AGMAT: variants seen among roughly 807,000 people sequenced by gnomAD.
The protein encoded by AGMAT is agmatinase (putative).
In AGMAT, 37 loss-of-function variants were observed where a neutral mutation model predicts 29.3. That is an observed-to-expected ratio of 1.26 (90% CI 0.97 to 1.66). The LOEUF is 1.66. Ranked by LOEUF, AGMAT falls within the 40% of genes most tolerant of loss-of-function variation. The probability of loss-of-function intolerance (pLI) is 0.00; values close to 1 mark genes in which losing one functional copy is unlikely to be tolerated. For synonymous variants in AGMAT, 199 were observed against 200.8 expected (o/e 0.99, Z 0.08); for missense variants, 498 against 497.8 (o/e 1.00, Z 0.00).
At chr1:15,580,186 A>G in intron 2 of AGMAT, 44 bp from the exon 3 acceptor site, 1 of 819,412 alleles carries the variant, frequency 1.2e-6, no homozygotes, top group Non-Finnish European at 2.0e-6. Flanking sequence ...GAATTGGAGG[A>G]TTACATAGAA....
Position 15,584,846 on chromosome 1 carries a change from C to CA in AGMAT, c.121_122insT (p.Arg41LeufsTer70). On this transcript the variant is annotated frameshift_variant, in exon 1 of 7. Coordinates refer to ENST00000375826, the MANE Select transcript of AGMAT (RefSeq NM_024758.5). LOFTEE classifies it high-confidence loss of function. ...GAACTCGGGGCTGGGGGGCTGGTTC[C>CA]GGGGCGCGTCGGAAGCCTGGCGGCT... The CA allele has an allele frequency of 7.0e-7, 1 of 1,427,502 alleles. No homozygotes were observed. The highest frequency in any genetic ancestry group is 3.2e-5 in the Admixed American group (1 of 31,660). The allele number at this position is 1,427,502 out of a possible 1,614,324, so 88.4% of individuals were successfully genotyped here.
At chr1:15,579,978 A>C in intron 3 of AGMAT, 116 bp downstream of exon 3, 5 of 914,486 alleles carry the variant, frequency 5.5e-6, no homozygotes, top group South Asian at 1.3e-5. Flanking sequence ...TGATCCCCAG[A>C]AGCAGCTCAT....
chr1:15,577,371 A>G (rs78083962), intron 5 of AGMAT, among the ~76,000 whole-genome samples: 43,931 of 151,782 alleles, frequency 0.29, 7,515 homozygotes, highest in African/African-American at 0.47. Flanking sequence ...TCAGGAGTTC[A>G]AGACCAGCCT....
chr1:15,577,081 A>G (rs574856383), intron 5 of AGMAT, among the ~76,000 whole-genome samples: 2 of 152,160 alleles, frequency 1.3e-5, no homozygotes, highest in East Asian at 1.9e-4. Context: ...GGATACTATA[A>G]TGTTGTTCCT....
Position 15,573,668 on chromosome 1 carries a change from T to C in AGMAT, c.1042A>G (p.Lys348Glu). 1 of 1,614,196 alleles carries C rather than the reference T, an allele frequency of 6.2e-7. No individual in the cohort carries two copies. The highest frequency in any genetic ancestry group is 1.1e-5 in the South Asian group (1 of 91,080). Residue 348 changes from lysine to glutamate, a missense_variant, in exon 7 of 7, where the codon AAA (lysine) becomes GAA (glutamate). Lys to Glu is a moderately conservative substitution (Grantham distance 56, BLOSUM62 1). Coordinates refer to ENST00000375826, the MANE Select transcript of AGMAT (RefSeq NM_024758.5). ...CACAAGACTCAGACGGTTGTCACTT[T>C]GGGGAGAGCACATAGCATCTCAAAC... Reference protein sequence around the residue: ...LLFEMLCALPKVTTV With the variant: ...LLFEMLCALPEVTTV
intron 2 of AGMAT, 96 bp downstream of exon 2, chr1:15,583,097 T>C: frequency 8.9e-7 from 1 of 1,128,764 alleles, no homozygotes. Flanking sequence ...TTGCAGTGGC[T>C]TGCAGGGGAG....
At chr1:15,579,493 A>T (rs2103438391) in intron 3 of AGMAT, among the ~76,000 whole-genome samples, 1 of 152,314 alleles carries the variant, frequency 6.6e-6, no homozygotes, top group East Asian at 1.9e-4. Flanking sequence ...GTGAGGAATA[A>T]ATGCAGCTTT....
At position 15,572,970 on chromosome 1, in the gene AGMAT, A is replaced by G. The variant is rs1487503695; in HGVS notation, c.*681T>C. 1 of 152,120 alleles carries G rather than the reference A, an allele frequency of 6.6e-6. No individual in the cohort carries two copies. Among genetic ancestry groups the G allele is most frequent in the Non-Finnish European group, 1.5e-5 (1 of 68,132 alleles). 9.4% of individuals were successfully genotyped at this position (152,120 alleles called of 1,614,324 possible). ...TAGGAAGCAGATCATCAAAATTTTA[A>G]AAAGCGGCTGGGTGCGGTGGCTCAT... On this transcript the variant is annotated 3_prime_UTR_variant, in exon 7 of 7. Transcript: ENST00000375826.
In AGMAT at chr1:15,585,043, G is replaced by T. The variant is rs1474192635; in HGVS notation, c.-76C>A. 2.4e-6 allele frequency: 3 copies of T among 1,259,844 alleles called. No individual in the cohort carries two copies. Among genetic ancestry groups the T allele is most frequent in the African/African-American group, 3.1e-5 (2 of 64,102 alleles). The allele number at this position is 1,259,844 out of a possible 1,614,324, so 78.0% of individuals were successfully genotyped here. ...CGATCTGGCTGGTCCCGAACGGCGA[G>T]GCGAGTGTGCACGCGCCAGAGCCGG... On this transcript the variant is annotated 5_prime_UTR_variant, in exon 1 of 7. Coordinates refer to ENST00000375826, the MANE Select transcript of AGMAT (RefSeq NM_024758.5).
intron 5 of AGMAT, among the ~76,000 whole-genome samples, 191 bp downstream of exon 5, chr1:15,577,494 A>G (rs570567156): frequency 8.5e-5 from 13 of 152,204 alleles, no homozygotes; most frequent in Middle Eastern, 6.8e-3. Flanking sequence ...AATCGCTTGA[A>G]CCTGGGAGGC....
Position 15,584,899 on chromosome 1 carries a change from T to C in AGMAT, c.69A>G (p.Ala23=). Residue 23 remains alanine, a synonymous_variant, in exon 1 of 7, where the codon GCA becomes GCG. Coordinates refer to ENST00000375826, the MANE Select transcript of AGMAT (RefSeq NM_024758.5). ...PGPGVGARPA[A]GLFHPGRRQS... ...GGCGGCGCCCCGGATGAAAGAGCCC[T>C]GCGGCAGGACGCGCGCCCACGCCGG... is the stretch of plus-strand genomic sequence containing the variant. 1.4e-6 allele frequency: 2 copies of C among 1,396,278 alleles called. No homozygotes were observed. The highest frequency in any genetic ancestry group is 1.8e-6 in the Non-Finnish European group (2 of 1,083,112). 86.5% of individuals were successfully genotyped at this position (1,396,278 alleles called of 1,614,324 possible).
Position 15,573,584 on chromosome 1 carries a change from T to TGAA in AGMAT, c.*66_*67insTTC. ...ATAAACTCTTTAGTTCTCAGACTGCTTACTCATAAGTTCTTCTTGAGAACT... is the reference window on the plus strand; with the variant it reads ...ATAAACTCTTTAGTTCTCAGACTGCTGAATACTCATAAGTTCTTCTTGAGAACT... On this transcript the variant is annotated 3_prime_UTR_variant, in exon 7 of 7. Transcript: ENST00000375826. 1 of 1,450,688 alleles carries TGAA rather than the reference T, an allele frequency of 6.9e-7. No individual in the cohort carries two copies. The highest frequency in any genetic ancestry group is 9.7e-7 in the Non-Finnish European group (1 of 1,032,738). The allele number at this position is 1,450,688 out of a possible 1,614,324, so 89.9% of individuals were successfully genotyped here. A position where few individuals can be genotyped will look rare whatever the true frequency, so the allele number is the denominator to read the frequency against.
intron 2 of AGMAT, among the ~76,000 whole-genome samples, chr1:15,580,608 G>C (rs946274406): frequency 2.0e-5 from 3 of 152,142 alleles, no homozygotes; most frequent in Non-Finnish European, 2.9e-5. Flanking sequence ...AGCCTGGGAG[G>C]TCAAGGCTGC....
intron 1 of AGMAT, among the ~76,000 whole-genome samples, chr1:15,584,288 C>T (rs897702906): frequency 1.3e-5 from 2 of 151,054 alleles, no homozygotes; most frequent in African/African-American, 2.4e-5. Flanking sequence ...GATTACAGGC[C>T]CGCGCCACCA....
At position 15,574,756 on chromosome 1, in the gene AGMAT, C is replaced by G; in HGVS notation, c.985+1G>C. Reference sequence around the variant, plus strand: ...GGATCTCAGTCTCTTTGCTTACTCACCAGAAAGATCATACGGTGGTGAAAC... The same window carrying G: ...GGATCTCAGTCTCTTTGCTTACTCAGCAGAAAGATCATACGGTGGTGAAAC... On this transcript the variant is annotated splice_donor_variant, in intron 6 of 6. Transcript: ENST00000375826. LOFTEE classifies it high-confidence loss of function. 1.2e-6 allele frequency: 2 copies of G among 1,613,368 alleles called. No homozygotes were observed. Among genetic ancestry groups the G allele is most frequent in the South Asian group, 1.1e-5 (1 of 91,056 alleles).
intron 5 of AGMAT, 57 bp downstream of exon 5, chr1:15,577,628 G>A: frequency 6.6e-7 from 1 of 1,507,282 alleles, no homozygotes; most frequent in Non-Finnish European, 9.0e-7. Context: ...CAAGTCCCAG[G>A]AAAATGGGTG....
chr1:15,573,441 T>C lies in AGMAT; in HGVS notation c.*210A>G. The C allele has an allele frequency of 1.9e-6, 1 of 525,470 alleles. No individual in the cohort carries two copies. 32.6% of individuals were successfully genotyped at this position (525,470 alleles called of 1,614,324 possible). On this transcript the variant is annotated 3_prime_UTR_variant, in exon 7 of 7. Transcript: ENST00000375826. ...AAATCAAAGCAGTACAAGTACTCCT[T>C]TTTTTTTCCCCCAATTAATCCAAGT...
Position 15,584,917 on chromosome 1 carries a change from C to T in AGMAT, c.51G>A (p.Val17=), listed in dbSNP as rs1639166755. The change falls in exon 1 of 7, where the codon GTG becomes GTA. Residue 17 remains valine (V), a synonymous_variant. Coordinates refer to ENST00000375826, the MANE Select transcript of AGMAT (RefSeq NM_024758.5). ...AGAGCCCTGCGGCAGGACGCGCGCC[C>T]ACGCCGGGCCCCGGGCCCCGGGCGC... ...SGCARGPGPG[V]GARPAAGLFH... 2.2e-6 allele frequency: 3 copies of T among 1,381,376 alleles called. No individual in the cohort carries two copies. The highest frequency in any genetic ancestry group is 2.8e-6 in the Non-Finnish European group (3 of 1,075,988). 85.6% of individuals were successfully genotyped at this position (1,381,376 alleles called of 1,614,324 possible). A position where few individuals can be genotyped will look rare whatever the true frequency, so the allele number is the denominator to read the frequency against.
rs558185007 is a variant in AGMAT at position 15,574,685 on chromosome 1, C to T, written c.985+72G>A. 1.4e-5 allele frequency: 19 copies of T among 1,396,906 alleles called. No homozygotes were observed. The Admixed American group carries it at 3.1e-4, about 23-fold the overall frequency. The allele number at this position is 1,396,906 out of a possible 1,614,324, so 86.5% of individuals were successfully genotyped here. A position where few individuals can be genotyped will look rare whatever the true frequency, so the allele number is the denominator to read the frequency against. On this transcript the variant is annotated intron_variant, in intron 6 of 6. Transcript: ENST00000375826. The stretch of plus-strand genomic sequence containing the variant: ...GGGCCACCATGCCTGGCCCCATTTT[C>T]TACTTATTAACTAGCTTCGTGTAAT...
Sources: gnomAD v4.1 joint callset for allele counts (sites outside exome capture counted in the v4.1 genomes callset) on GRCh38, gnomAD v4.1.1 for gene constraint, MANE v1.5 for transcripts, NCBI Gene and HGNC (gene_info 2026-07-23, HGNC 2026-07-21) for gene names.